Variants in ZNF624 observed in about 807,000 individuals in gnomAD.
ZNF624 encodes the protein zinc finger protein 624.
ZNF624 carries 43 observed loss-of-function variants against 74.7 expected under a neutral mutation model. The observed-to-expected ratio is 0.58, with a 90% confidence interval of 0.45 to 0.74. The LOEUF (loss-of-function observed/expected upper bound fraction) is 0.74, where lower values mean the gene tolerates loss of function less well. Among genes scored for constraint, ZNF624 ranks in the 30% least tolerant of loss-of-function variants. The pLI is 0.00. For synonymous variants in ZNF624, 331 were observed against 341.3 expected (o/e 0.97, Z 0.33); for missense variants, 820 against 1,030.0 (o/e 0.80, Z 2.79).
At chr17:16,653,336 G>T (rs1370142565) in intron 1 of ZNF624, among the ~76,000 whole-genome samples, 1 of 152,224 alleles carries the variant, frequency 6.6e-6, no homozygotes, top group East Asian at 1.9e-4. Flanking sequence ...TGCCAACCTC[G>T]CCTTCTTTCC....
chr17:16,649,618 A>C, intron 2 of ZNF624, 40 bp downstream of exon 2: 1 of 1,586,978 alleles, frequency 6.3e-7, no homozygotes. Context: ...CATGCTCTCA[A>C]ACCAAGATAG....
rs552662254 is a variant in ZNF624 at position 16,629,247 on chromosome 17, T to TA, written c.376+4614dup. Among the ~76,000 whole-genome samples, 118 of 146,954 alleles carry TA rather than the reference T, an allele frequency of 8.0e-4. 2 individuals are homozygous for TA. In the East Asian group the frequency reaches 0.024, roughly 29 times the overall value. On this transcript the variant is annotated intron_variant, in intron 5 of 5. Coordinates refer to ENST00000311331, the MANE Select transcript of ZNF624 (RefSeq NM_020787.4). Reference sequence around the variant, plus strand: ...ATCTGTCTCTCTCTCTTTTTTTTTTTAAACAGTGTCTTGCTCTGTCACCCA... The same window carrying TA: ...ATCTGTCTCTCTCTCTTTTTTTTTTTAAAACAGTGTCTTGCTCTGTCACCCA...
In ZNF624 at chr17:16,622,114, T is replaced by C. The variant is rs1160231203; in HGVS notation, c.*174A>G. The C allele has an allele frequency of 1.1e-5, 5 of 450,448 alleles. No homozygotes were observed. In the East Asian group the frequency reaches 1.4e-4, roughly 12 times the overall value. The allele number at this position is 450,448 out of a possible 1,614,324, so 27.9% of individuals were successfully genotyped here. A position where few individuals can be genotyped will look rare whatever the true frequency, so the allele number is the denominator to read the frequency against. ...GTTCATTATTTTCCTCTAGTGAGAG[T>C]TTCCTTATAACTTCTAAGATTTAAT... On this transcript the variant is annotated 3_prime_UTR_variant, in exon 6 of 6. Coordinates refer to ENST00000311331, the MANE Select transcript of ZNF624 (RefSeq NM_020787.4).
Position 16,622,240 on chromosome 17 carries a change from A to G in ZNF624, c.*48T>C. The stretch of plus-strand genomic sequence containing the variant: ...CCTATATTCATAAAATATAGTTTAT[A>G]AGATTCATCTTGTGGAGTTGACATC... On this transcript the variant is annotated 3_prime_UTR_variant, in exon 6 of 6. Coordinates refer to ENST00000311331, the MANE Select transcript of ZNF624 (RefSeq NM_020787.4). 1 of 1,383,970 alleles carries G rather than the reference A, an allele frequency of 7.2e-7. No individual in the cohort carries two copies. Among genetic ancestry groups the G allele is most frequent in the South Asian group, 1.6e-5 (1 of 61,890 alleles). The allele number at this position is 1,383,970 out of a possible 1,614,324, so 85.7% of individuals were successfully genotyped here.
the ZNF624 span, among the ~76,000 whole-genome samples, chr17:16,615,375 G>C: frequency 6.6e-6 from 1 of 152,160 alleles, no homozygotes; most frequent in Admixed American, 6.5e-5. Context: ...AGGATTACAG[G>C]CATGAGCCAC....
chr17:16,648,248 AG>A (rs1909640718), intron 2 of ZNF624, among the ~76,000 whole-genome samples: 2 of 152,068 alleles, frequency 1.3e-5, no homozygotes, highest in Non-Finnish European at 2.9e-5. Context: ...CCAGCCCATG[AG>A]GGCCTGATTT....
chr17:16,623,509 A>C lies in ZNF624; in HGVS notation c.1377T>G (p.Phe459Leu). The C allele has an allele frequency of 6.2e-7, 1 of 1,610,288 alleles. No individual in the cohort carries two copies. The highest frequency in any genetic ancestry group is 1.1e-5 in the South Asian group (1 of 90,164). Residue 459 changes from phenylalanine to leucine, a missense_variant, in exon 6 of 6, where the codon TTT becomes TTG. By Grantham distance (22) the Phe-to-Leu change is conservative. Coordinates refer to ENST00000311331, the MANE Select transcript of ZNF624 (RefSeq NM_020787.4). This position sits in a 1 kb window ranked among gnomAD's most constrained non-coding sequence, Gnocchi z 5.3. Reference protein sequence around the residue: ...CGKSFKNTTIFNVHQRIHTGE... With the variant: ...CGKSFKNTTILNVHQRIHTGE... The stretch of plus-strand genomic sequence containing the variant: ...CAGTATGAATCCTCTGATGCACATT[A>C]AAAATTGTGGTATTCTTAAAAGACT...
intron 2 of ZNF624, 132 bp downstream of exon 2, chr17:16,649,526 A>G (rs56303920): frequency 0.2 from 152,331 of 748,732 alleles, 17,007 homozygotes; most frequent in East Asian, 0.36. Flanking sequence ...TGTGAACCCA[A>G]TTTTCATGGG....
chr17:16,629,435 A>G (rs943535671), intron 5 of ZNF624, among the ~76,000 whole-genome samples: 1 of 152,024 alleles, frequency 6.6e-6, no homozygotes, highest in South Asian at 2.1e-4. Flanking sequence ...GGCCAAAGAC[A>G]GATAGATGTC....
At chr17:16,641,160 TAA>T (rs1302616098) in intron 3 of ZNF624, among the ~76,000 whole-genome samples, 1 of 152,364 alleles carries the variant, frequency 6.6e-6, no homozygotes, top group South Asian at 2.1e-4. Flanking sequence ...ATCAACCTGA[TAA>T]AGACTCTCTA....
chr17:16,644,540 G>A (rs1470058615), intron 3 of ZNF624, among the ~76,000 whole-genome samples: 1 of 152,144 alleles, frequency 6.6e-6, no homozygotes, highest in Non-Finnish European at 1.5e-5. Flanking sequence ...ATAATACACT[G>A]ATGCATACAA....
In ZNF624 at chr17:16,623,747, C is replaced by A; in HGVS notation, c.1139G>T (p.Arg380Ile). 1 of 1,614,018 alleles carries A rather than the reference C, an allele frequency of 6.2e-7. No individual in the cohort carries two copies. The highest frequency in any genetic ancestry group is 8.5e-7 in the Non-Finnish European group (1 of 1,180,004). The change falls in exon 6 of 6, where the codon AGA becomes ATA. Residue 380 changes from arginine (R) to isoleucine (I), a missense_variant. Transcript: ENST00000311331. The surrounding 1 kb of genome is among the most constrained non-coding windows in gnomAD (Gnocchi z 5.3). ...ATAGGGTTTCTCTCCAGTTTGAATT[C>A]TCTGGTGCTGATTAAGACGGGCACA... ...SQCARLNQHQ[R>I]IQTGEKPYKC... is the part of the protein sequence containing the mutation.
intron 3 of ZNF624, 145 bp from the exon 4 acceptor site, chr17:16,634,901 T>A: frequency 1.6e-6 from 1 of 644,304 alleles, no homozygotes; most frequent in Non-Finnish European, 2.5e-6. Flanking sequence ...TTATAGGATG[T>A]ATAAATCTCT....
downstream of ZNF624, among the ~76,000 whole-genome samples, chr17:16,616,333 G>T (rs1245581263): frequency 6.6e-6 from 1 of 151,852 alleles, no homozygotes; most frequent in Non-Finnish European, 1.5e-5. Context: ...ACATTTAAAG[G>T]AATTTAATAG....
chr17:16,652,933 C>G (rs1411569579), intron 1 of ZNF624, among the ~76,000 whole-genome samples: 1 of 152,200 alleles, frequency 6.6e-6, no homozygotes, highest in Non-Finnish European at 1.5e-5. Context: ...CTACTGTCCC[C>G]TTTGTCATTA....
intron 5 of ZNF624, among the ~76,000 whole-genome samples, chr17:16,627,848 G>A (rs1160585874): frequency 6.6e-6 from 1 of 152,222 alleles, no homozygotes; most frequent in African/African-American, 2.4e-5. Flanking sequence ...TAGCCTAGCA[G>A]TCTGGCAAAA....
At chr17:16,628,118 C>A (rs1909116417) in intron 5 of ZNF624, among the ~76,000 whole-genome samples, 2 of 151,974 alleles carry the variant, frequency 1.3e-5, no homozygotes, top group Admixed American at 6.6e-5. Flanking sequence ...AAAAAATTGG[C>A]CAGGCATGGT....
chr17:16,649,777 A>G (rs1262716786), intron 1 of ZNF624, 31 bp from the exon 2 acceptor site: 2 of 1,575,412 alleles, frequency 1.3e-6, no homozygotes, highest in African/African-American at 2.7e-5. Flanking sequence ...ATGGAAACCA[A>G]TCCTGCCTGG....
chr17:16,615,589 A>C, the ZNF624 span, among the ~76,000 whole-genome samples: 1 of 152,320 alleles, frequency 6.6e-6, no homozygotes. Flanking sequence ...TCATCTCAAT[A>C]GTGGCAAAAA....
Sources: allele counts gnomAD v4.1 joint callset (sites outside exome capture counted in the v4.1 genomes callset), GRCh38; gene constraint gnomAD v4.1.1; non-coding constraint Gnocchi (gnomAD v3.1); transcripts MANE v1.5; gene names NCBI Gene and HGNC (gene_info 2026-07-23, HGNC 2026-07-21).